LRFN5: variants seen among roughly 807,000 people sequenced by gnomAD.
LRFN5 encodes leucine-rich repeat and fibronectin type-III domain-containing protein 5.
In LRFN5, 24 loss-of-function variants were observed where a neutral mutation model predicts 45.6. The observed-to-expected ratio is 0.53, with a 90% CI of 0.38 to 0.74. The LOEUF is 0.74. LRFN5 is among the 30% of genes least tolerant of loss of function. The pLI is 0.00. For synonymous variants in LRFN5, 340 were observed against 313.8 expected (o/e 1.08, Z -0.88); for missense variants, 776 against 861.5 (o/e 0.90, Z 1.24).
At position 41,841,569 on chromosome 14, in the gene LRFN5, C is replaced by G. The variant is rs528744967; in HGVS notation, c.-20-45037C>G. 2.0e-5 allele frequency among the ~76,000 whole-genome samples: 3 copies of G among 151,938 alleles called. No homozygotes were observed. In the East Asian group the frequency reaches 5.8e-4, roughly 29 times the overall value. On this transcript the variant is annotated intron_variant, in intron 2 of 5. Coordinates refer to ENST00000298119, the MANE Select transcript of LRFN5 (RefSeq NM_152447.5). The stretch of plus-strand genomic sequence containing the variant: ...AATTTATTATTTTTATATTTATGTA[C>G]TGTTCCATTGCATGAGTGTATCAGA...
intron 2 of LRFN5, among the ~76,000 whole-genome samples, chr14:41,802,806 G>A (rs1421998147): frequency 2.0e-5 from 3 of 152,036 alleles, no homozygotes; most frequent in Admixed American, 1.3e-4. Context: ...TTGTTTAATA[G>A]AAGGTAGGAA....
At chr14:41,632,940 A>C (rs1888601307) in intron 1 of LRFN5, among the ~76,000 whole-genome samples, 1 of 152,116 alleles carries the variant, frequency 6.6e-6, no homozygotes, top group African/African-American at 2.4e-5. Context: ...TTGATACCCC[A>C]TTTATATGAT....
chr14:41,754,001 T>C (rs953742434), intron 1 of LRFN5, among the ~76,000 whole-genome samples: 5 of 152,220 alleles, frequency 3.3e-5, no homozygotes, highest in Non-Finnish European at 7.3e-5. Context: ...CAAAGGCCTT[T>C]TCTGCATCTA....
At chr14:41,749,578 A>G (rs756406345) in intron 1 of LRFN5, among the ~76,000 whole-genome samples, 1 of 152,266 alleles carries the variant, frequency 6.6e-6, no homozygotes, top group Middle Eastern at 3.4e-3. Context: ...AGAAAACCAA[A>G]TACTGCACGC....
At chr14:41,646,453 G>A (rs568382571) in intron 1 of LRFN5, among the ~76,000 whole-genome samples, 1 of 152,190 alleles carries the variant, frequency 6.6e-6, no homozygotes, top group Middle Eastern at 3.4e-3. Context: ...TATTCAACAT[G>A]AAGTAGAAAC....
intron 5 of LRFN5, among the ~76,000 whole-genome samples, chr14:41,899,916 C>G (rs1344844550): frequency 2.0e-5 from 3 of 152,102 alleles, no homozygotes; most frequent in Non-Finnish European, 2.9e-5. Context: ...AGCACAATGT[C>G]TGGCACATGT....
intron 1 of LRFN5, among the ~76,000 whole-genome samples, chr14:41,751,348 A>T (rs1280989313): frequency 6.6e-6 from 1 of 152,172 alleles, no homozygotes; most frequent in East Asian, 1.9e-4. Context: ...ATGGAATTAC[A>T]GCTCCCGTGG....
chr14:41,879,607 TGATA>T (rs1890304126), intron 2 of LRFN5, among the ~76,000 whole-genome samples: 1 of 151,418 alleles, frequency 6.6e-6, no homozygotes, highest in Non-Finnish European at 1.5e-5. Flanking sequence ...ATTTATATTA[TGATA>T]GATATGTGGA....
At chr14:41,894,770 A>G (rs1248945565) in intron 4 of LRFN5, 2 of 983,324 alleles carry the variant, frequency 2.0e-6, no homozygotes, top group African/African-American at 1.7e-5. Context: ...AGGTGTGGAA[A>G]TAAGAATTTT....
Position 41,608,419 on chromosome 14 carries a change from C to G in LRFN5, c.-340C>G, listed in dbSNP as rs1329293407. On this transcript the variant is annotated 5_prime_UTR_variant, in exon 1 of 6. Coordinates refer to ENST00000298119, the MANE Select transcript of LRFN5 (RefSeq NM_152447.5). ...GCCGCCTTTCCGATTCCCTACGATG[C>G]GGGTGCTGAGCTATGGCAAAGGGCA... 6.5e-6 allele frequency: 1 copy of G among 152,684 alleles called. No individual in the cohort carries two copies. Among genetic ancestry groups the G allele is most frequent in the African/African-American group, 2.4e-5 (1 of 41,452 alleles). 9.5% of individuals were successfully genotyped at this position (152,684 alleles called of 1,614,324 possible). A position where few individuals can be genotyped will look rare whatever the true frequency, so the allele number is the denominator to read the frequency against.
At chr14:41,815,751 T>C (rs1372796172) in intron 2 of LRFN5, among the ~76,000 whole-genome samples, 2 of 151,542 alleles carry the variant, frequency 1.3e-5, no homozygotes, top group Admixed American at 6.6e-5. Flanking sequence ...GTCTCATAAA[T>C]AAAAATAAAT....
intron 1 of LRFN5, among the ~76,000 whole-genome samples, chr14:41,650,266 CA>C (rs10654457): frequency 3.4e-4 from 46 of 135,528 alleles, no homozygotes; most frequent in South Asian, 7.4e-4. Flanking sequence ...CACACACACA[CA>C]AAAAAAAAAA....
At chr14:41,789,247 A>G (rs892477535) in intron 2 of LRFN5, among the ~76,000 whole-genome samples, 1 of 152,024 alleles carries the variant, frequency 6.6e-6, no homozygotes, top group South Asian at 2.1e-4. Flanking sequence ...TATGCAGTCA[A>G]TTGTTGCCTT....
intron 1 of LRFN5, among the ~76,000 whole-genome samples, chr14:41,735,518 T>C (rs1884388268): frequency 6.6e-6 from 1 of 152,200 alleles, no homozygotes; most frequent in South Asian, 2.1e-4. Flanking sequence ...GCAGTCCTTC[T>C]GCGTCAGCCC....
chr14:41,701,748 A>T (rs17112195), intron 1 of LRFN5, among the ~76,000 whole-genome samples: 6 of 152,128 alleles, frequency 3.9e-5, no homozygotes, highest in African/African-American at 1.4e-4. Flanking sequence ...GTTGTTGAGA[A>T]GGCTCAGGAT....
intron 2 of LRFN5, among the ~76,000 whole-genome samples, chr14:41,832,226 A>G (rs1888508814): frequency 6.6e-6 from 1 of 151,980 alleles, no homozygotes; most frequent in Admixed American, 6.6e-5. Context: ...TCTGGAACAA[A>G]TTTTTATTTC....
chr14:41,892,880 A>G (rs1594503199), intron 4 of LRFN5: 1 of 985,226 alleles, frequency 1.0e-6, no homozygotes, highest in East Asian at 1.1e-4. Flanking sequence ...TTCATTTAAT[A>G]CACATTTTTT....
intron 2 of LRFN5, among the ~76,000 whole-genome samples, chr14:41,840,724 T>C (rs1040912395): frequency 6.6e-6 from 1 of 151,996 alleles, no homozygotes; most frequent in Non-Finnish European, 1.5e-5. Flanking sequence ...AAAAGAGCCA[T>C]ATTCTTCAGA....
intron 2 of LRFN5, among the ~76,000 whole-genome samples, chr14:41,843,012 T>A (rs970612937): frequency 1.3e-5 from 2 of 151,960 alleles, no homozygotes. Context: ...CATTTCTTTT[T>A]GAGATATAGG....
Sources: allele counts gnomAD v4.1 joint callset (sites outside exome capture counted in the v4.1 genomes callset), GRCh38; gene constraint gnomAD v4.1.1; transcripts MANE v1.5; gene names NCBI Gene and HGNC (gene_info 2026-07-23, HGNC 2026-07-21).